The following NUDCD1 variants were observed in gnomAD, a reference collection of about 807,000 sequenced individuals.
NUDCD1 encodes nudC domain-containing protein 1.
In NUDCD1, 60 loss-of-function variants were observed where a neutral mutation model predicts 67.8. That is an observed-to-expected ratio of 0.88 (90% CI 0.72 to 1.10). The LOEUF is 1.10. NUDCD1 is among the 50% of genes least tolerant of loss of function. NUDCD1 has a pLI of 0.00. For synonymous variants in NUDCD1, 244 were observed against 230.8 expected (o/e 1.06, Z -0.52); for missense variants, 643 against 695.0 (o/e 0.93, Z 0.84).
At position 109,289,979 on chromosome 8, in the gene NUDCD1, T is replaced by C. The variant is rs752743872; in HGVS notation, c.641-46A>G. 10 of 852,146 alleles carry C rather than the reference T, an allele frequency of 1.2e-5. No homozygotes were observed. In the East Asian group the frequency reaches 2.6e-4, roughly 22 times the overall value. The allele number at this position is 852,146 out of a possible 1,614,324, so 52.8% of individuals were successfully genotyped here. ...AACAAAACATTACAAATAAAAACTA[T>C]TATCAAAATATTCTGATATTTAAAA... On this transcript the variant is annotated intron_variant, in intron 4 of 9. Transcript: ENST00000239690.
chr8:109,263,072 A>AAAAAAC (rs1813908064), intron 8 of NUDCD1, among the ~76,000 whole-genome samples: 1 of 150,188 alleles, frequency 6.7e-6, no homozygotes, highest in Non-Finnish European at 1.5e-5. Context: ...AAAAAAAAAA[A>AAAAAAC]AAAAAAACCC....
At chr8:109,308,026 G>C (rs998639275) in intron 2 of NUDCD1, among the ~76,000 whole-genome samples, 6 of 152,100 alleles carry the variant, frequency 3.9e-5, no homozygotes, top group East Asian at 1.9e-4. Context: ...AATAATAGTG[G>C]GGGACTTCAA....
chr8:109,283,325 C>A (rs891951066), intron 5 of NUDCD1, among the ~76,000 whole-genome samples: 3 of 152,174 alleles, frequency 2.0e-5, no homozygotes, highest in South Asian at 2.1e-4. Context: ...CTATTAACTA[C>A]TGGCATTCCA....
At chr8:109,297,291 C>A (rs561051792) in intron 2 of NUDCD1, among the ~76,000 whole-genome samples, 7 of 152,178 alleles carry the variant, frequency 4.6e-5, no homozygotes, top group Non-Finnish European at 8.8e-5. Flanking sequence ...TACATTTAGC[C>A]TACTATGAAT....
At chr8:109,313,933 A>G (rs1402365264) in intron 2 of NUDCD1, 1 of 477,486 alleles carries the variant, frequency 2.1e-6, no homozygotes, top group Admixed American at 2.7e-5. Flanking sequence ...AAGGAAACAC[A>G]TAGTGGCTCT....
At chr8:109,249,517 G>A (rs1436223117) in intron 8 of NUDCD1, among the ~76,000 whole-genome samples, 1 of 152,098 alleles carries the variant, frequency 6.6e-6, no homozygotes, top group African/African-American at 2.4e-5. Flanking sequence ...TTTCAAAAAT[G>A]AGAAATACAG....
chr8:109,246,242 C>T (rs1441959906), intron 8 of NUDCD1, among the ~76,000 whole-genome samples: 1 of 152,194 alleles, frequency 6.6e-6, no homozygotes, highest in East Asian at 1.9e-4. Flanking sequence ...CTAATGCTAA[C>T]TTGTAATAAT....
At chr8:109,332,283 A>G (rs546286456) in intron 1 of NUDCD1, among the ~76,000 whole-genome samples, 4 of 152,190 alleles carry the variant, frequency 2.6e-5, no homozygotes, top group African/African-American at 2.4e-5. Context: ...CAGGTAAGAG[A>G]TAACTCTGAT....
intron 2 of NUDCD1, among the ~76,000 whole-genome samples, chr8:109,312,637 AT>A (rs1320279401): frequency 3.3e-5 from 5 of 152,238 alleles, no homozygotes; most frequent in Non-Finnish European, 5.9e-5. Context: ...AACTGTGCCA[AT>A]AAAAACTAGG....
intron 1 of NUDCD1, among the ~76,000 whole-genome samples, chr8:109,331,944 C>T (rs1331879063): frequency 2.6e-5 from 4 of 152,174 alleles, no homozygotes; most frequent in African/African-American, 9.7e-5. Context: ...CGTTTTGCTC[C>T]AGCAATATAA....
intron 5 of NUDCD1, among the ~76,000 whole-genome samples, chr8:109,289,281 T>C (rs951692638): frequency 6.6e-5 from 10 of 152,198 alleles, no homozygotes; most frequent in Non-Finnish European, 1.2e-4. Flanking sequence ...GGCCAGTCTT[T>C]TCATGCTAAA....
At chr8:109,276,850 A>G (rs531477707) in intron 6 of NUDCD1, among the ~76,000 whole-genome samples, 1 of 152,220 alleles carries the variant, frequency 6.6e-6, no homozygotes, top group Admixed American at 6.5e-5. Flanking sequence ...TTTAGTAGAG[A>G]CAGGGTTTTG....
chr8:109,243,153 G>A lies in NUDCD1; in HGVS notation c.1608C>T (p.Gly536=). 1 of 1,613,898 alleles carries A rather than the reference G, an allele frequency of 6.2e-7. No homozygotes were observed. Among genetic ancestry groups the A allele is most frequent in the South Asian group, 1.1e-5 (1 of 91,068 alleles). Residue 536 remains glycine, a synonymous_variant, in exon 10 of 10, where the codon GGC becomes GGT. Coordinates refer to ENST00000239690, the MANE Select transcript of NUDCD1 (RefSeq NM_032869.4). Reference sequence around the variant, plus strand: ...GCTTAGCAACCTGTCCTACTTGCCTGCCTTCCTTTCTGTTGTAAAGTACAG... The same window carrying A: ...GCTTAGCAACCTGTCCTACTTGCCTACCTTCCTTTCTGTTGTAAAGTACAG... ...MSTVLYNRKE[G]RQVGQVAKQQ... is the part of the protein sequence containing the mutation.
At chr8:109,325,707 G>T (rs1176750757) in intron 1 of NUDCD1, among the ~76,000 whole-genome samples, 1 of 152,240 alleles carries the variant, frequency 6.6e-6, no homozygotes, top group African/African-American at 2.4e-5. Flanking sequence ...ACTGGATTAT[G>T]AATGGACTGT....
chr8:109,314,027 T>C (rs971519654), intron 2 of NUDCD1: 9 of 342,992 alleles, frequency 2.6e-5, no homozygotes, highest in Non-Finnish European at 4.5e-5. Context: ...TACAGTTTAA[T>C]TTTAAATGGA....
intron 8 of NUDCD1, among the ~76,000 whole-genome samples, chr8:109,251,301 T>C (rs1381706345): frequency 6.6e-6 from 1 of 151,514 alleles, no homozygotes; most frequent in Non-Finnish European, 1.5e-5. Context: ...GTCTCTCGAG[T>C]AGCGGGGATT....
chr8:109,317,586 C>T (rs546939891), intron 2 of NUDCD1, among the ~76,000 whole-genome samples: 10 of 152,162 alleles, frequency 6.6e-5, no homozygotes, highest in African/African-American at 1.9e-4. Context: ...ACAGTTAGTA[C>T]GTGTAAAGTG....
chr8:109,313,620 T>C (rs2130106110), intron 2 of NUDCD1, among the ~76,000 whole-genome samples: 1 of 152,318 alleles, frequency 6.6e-6, no homozygotes, highest in Non-Finnish European at 1.5e-5. Flanking sequence ...AATGGGAGGC[T>C]TTCCTCAAAA....
intron 1 of NUDCD1, among the ~76,000 whole-genome samples, chr8:109,332,744 A>G (rs1261044823): frequency 2.0e-5 from 3 of 152,180 alleles, no homozygotes; most frequent in Non-Finnish European, 4.4e-5. Flanking sequence ...ATCTACTGAC[A>G]TGGGGTGACT....
Sources: gnomAD v4.1 joint callset for allele counts (sites outside exome capture counted in the v4.1 genomes callset) on GRCh38, gnomAD v4.1.1 for gene constraint, MANE v1.5 for transcripts, NCBI Gene and HGNC (gene_info 2026-07-23, HGNC 2026-07-21) for gene names.